Variants in PHACTR3 observed in about 807,000 individuals in gnomAD.
PHACTR3 encodes the protein phosphatase and actin regulator 3.
A neutral mutation model predicts 66.8 loss-of-function variants in PHACTR3; 16 were observed. That is an observed-to-expected ratio of 0.24 (90% CI 0.16 to 0.36). The LOEUF (loss-of-function observed/expected upper bound fraction) is 0.36, where lower values mean the gene tolerates loss of function less well. Ranked by LOEUF, PHACTR3 falls within the 10% of genes least tolerant of loss-of-function variation. The pLI, the probability that PHACTR3 is intolerant of heterozygous loss-of-function variation, is 1.00. For missense variants in PHACTR3, 647 were observed against 719.9 expected, an observed-to-expected ratio of 0.90 and a Z score of 1.16; for synonymous variants, 323 against 292.1, an observed-to-expected ratio of 1.11 and a Z score of -1.08.
chr20:59,647,853 T>A (rs2035337134), intron 1 of PHACTR3, among the ~76,000 whole-genome samples: 1 of 152,206 alleles, frequency 6.6e-6, no homozygotes, highest in Non-Finnish European at 1.5e-5. Flanking sequence ...TTGGCTGGGT[T>A]TCCTCATCTG....
At chr20:59,718,263 C>T (rs1446160453) in intron 1 of PHACTR3, among the ~76,000 whole-genome samples, 1 of 151,640 alleles carries the variant, frequency 6.6e-6, no homozygotes, top group African/African-American at 2.4e-5. Flanking sequence ...TACCCAGAGC[C>T]ACCAGTTCCT....
At position 59,770,585 on chromosome 20, in the gene PHACTR3, G is replaced by A. The variant is rs186894891; in HGVS notation, c.752-2694G>A. ...GCTGGAAGTCCAAGATCAGGGTGCC[G>A]GCAGATTTGGTGTCTCTGATGAGGG... On this transcript the variant is annotated intron_variant, in intron 5 of 12. Transcript: ENST00000371015. Among the ~76,000 whole-genome samples, 69 of 152,240 alleles carry A rather than the reference G, an allele frequency of 4.5e-4. 1 individual carries two copies. The highest frequency in any genetic ancestry group is 2.5e-3 in the Admixed American group (38 of 15,300).
At position 59,743,359 on chromosome 20, in the gene PHACTR3, G is replaced by T; in HGVS notation, c.280+91G>T. 4 of 1,501,278 alleles carry T rather than the reference G, an allele frequency of 2.7e-6. No homozygotes were observed. In the Admixed American group the frequency reaches 5.6e-5, roughly 21 times the overall value. The allele number at this position is 1,501,278 out of a possible 1,614,324, so 93.0% of individuals were successfully genotyped here. ...GGCCCCTGCTGATCTGTGACTTCCTGGCCCCTACACAGGAGGGGCAGATGT... is the reference window on the plus strand; with the variant it reads ...GGCCCCTGCTGATCTGTGACTTCCTTGCCCCTACACAGGAGGGGCAGATGT... On this transcript the variant is annotated intron_variant, in intron 2 of 12. Transcript: ENST00000371015.
rs751377442 is a variant in PHACTR3 at position 59,820,492 on chromosome 20, C to T, written c.1328+14298C>T. Among the ~76,000 whole-genome samples, 1 of 152,198 alleles carries T rather than the reference C, an allele frequency of 6.6e-6. No individual in the cohort carries two copies. The highest frequency in any genetic ancestry group is 1.5e-5 in the Non-Finnish European group (1 of 68,042). On this transcript the variant is annotated intron_variant, in intron 8 of 12. Coordinates refer to ENST00000371015, the MANE Select transcript of PHACTR3 (RefSeq NM_080672.5). The surrounding 1 kb of genome is among the most constrained non-coding windows in gnomAD (Gnocchi z 4.6). Reference sequence around the variant, plus strand: ...TTGGGACAAGTTTAAACTGGCAAATCTCAGCCCCAGAGGATATAAATATGA... The same window carrying T: ...TTGGGACAAGTTTAAACTGGCAAATTTCAGCCCCAGAGGATATAAATATGA...
intron 2 of PHACTR3, among the ~76,000 whole-genome samples, chr20:59,746,927 G>A (rs948002778): frequency 2.0e-5 from 3 of 152,206 alleles, no homozygotes; most frequent in Non-Finnish European, 4.4e-5. Context: ...AGTGGAAACA[G>A]CCCTTGCAAA....
At chr20:59,803,918 A>G (rs1343914823) in intron 7 of PHACTR3, among the ~76,000 whole-genome samples, 1 of 152,160 alleles carries the variant, frequency 6.6e-6, no homozygotes, top group Non-Finnish European at 1.5e-5. Flanking sequence ...CACACAATCT[A>G]GACTGAAAGC....
intron 7 of PHACTR3, among the ~76,000 whole-genome samples, chr20:59,778,019 C>G (rs912087114): frequency 6.6e-6 from 1 of 152,180 alleles, no homozygotes; most frequent in African/African-American, 2.4e-5. Context: ...ATCTAAGCCT[C>G]CTGTGAAGCT....
intron 1 of PHACTR3, among the ~76,000 whole-genome samples, chr20:59,630,392 A>G (rs8120657): frequency 0.031 from 4,772 of 152,224 alleles, 299 homozygotes; most frequent in African/African-American, 0.11. Flanking sequence ...CCTGTTGGCT[A>G]GGCTGGTCTT....
At chr20:59,833,195 C>G (rs1255088427) in intron 8 of PHACTR3, among the ~76,000 whole-genome samples, 2 of 152,214 alleles carry the variant, frequency 1.3e-5, no homozygotes, top group Non-Finnish European at 2.9e-5. Flanking sequence ...ACTGCATATT[C>G]TAGACCATTC....
At chr20:59,796,193 T>G (rs2041248197) in intron 7 of PHACTR3, among the ~76,000 whole-genome samples, 1 of 152,116 alleles carries the variant, frequency 6.6e-6, no homozygotes, top group South Asian at 2.1e-4. Context: ...TACACTATTT[T>G]AAGTAGAAAA....
At chr20:59,606,059 A>G (rs959669407) in intron 1 of PHACTR3, among the ~76,000 whole-genome samples, 1 of 152,248 alleles carries the variant, frequency 6.6e-6, no homozygotes, top group Non-Finnish European at 1.5e-5. Flanking sequence ...TTAGAGAAGC[A>G]CAATTCCTTC....
intron 7 of PHACTR3, among the ~76,000 whole-genome samples, chr20:59,777,179 C>T (rs1192013497): frequency 6.6e-6 from 1 of 152,212 alleles, no homozygotes; most frequent in East Asian, 1.9e-4. Context: ...CCTCCTTCCT[C>T]TCCCCTTCAT....
At chr20:59,695,548 T>C (rs907330989) in intron 1 of PHACTR3, among the ~76,000 whole-genome samples, 2 of 152,202 alleles carry the variant, frequency 1.3e-5, no homozygotes, top group Non-Finnish European at 2.9e-5. Context: ...TTTATAGCAA[T>C]CCAAGAATGG....
chr20:59,781,876 C>T (rs998546072), intron 7 of PHACTR3, among the ~76,000 whole-genome samples: 2 of 152,192 alleles, frequency 1.3e-5, no homozygotes, highest in African/African-American at 4.8e-5. Context: ...TCCTAGCCCC[C>T]ACAATCCCAT....
At chr20:59,775,399 G>A (rs998764350) in intron 7 of PHACTR3, among the ~76,000 whole-genome samples, 1 of 152,164 alleles carries the variant, frequency 6.6e-6, no homozygotes, top group African/African-American at 2.4e-5. Context: ...GTGTCTGTGG[G>A]GAGCAGGAAA....
intron 8 of PHACTR3, among the ~76,000 whole-genome samples, chr20:59,818,490 C>A (rs1182532): frequency 0.11 from 16,795 of 152,240 alleles, 1,207 homozygotes; most frequent in Middle Eastern, 0.2. Context: ...TTTAAGTGTC[C>A]AATTCAGGGC....
At chr20:59,590,060 T>C (rs1384875520) in intron 1 of PHACTR3, among the ~76,000 whole-genome samples, 1 of 152,172 alleles carries the variant, frequency 6.6e-6, no homozygotes, top group Non-Finnish European at 1.5e-5. Flanking sequence ...TAGTCATATG[T>C]GTCTGTGGGA....
chr20:59,664,178 C>A (rs2146485237), intron 1 of PHACTR3, among the ~76,000 whole-genome samples: 1 of 152,300 alleles, frequency 6.6e-6, no homozygotes, highest in South Asian at 2.1e-4. Context: ...AAATAGTAGG[C>A]TTCCCCACAG....
At chr20:59,717,571 C>A (rs2038135862) in intron 1 of PHACTR3, among the ~76,000 whole-genome samples, 1 of 152,330 alleles carries the variant, frequency 6.6e-6, no homozygotes, top group African/African-American at 2.4e-5. Flanking sequence ...AGAGGTGGAG[C>A]AACTCGCTCA....
Sources: gnomAD v4.1 joint callset for allele counts (sites outside exome capture counted in the v4.1 genomes callset) on GRCh38, gnomAD v4.1.1 for gene constraint, Gnocchi (gnomAD v3.1) non-coding constraint, MANE v1.5 for transcripts, NCBI Gene and HGNC (gene_info 2026-07-23, HGNC 2026-07-21) for gene names.